Variants in REEP5 observed in about 807,000 individuals in gnomAD.
REEP5 encodes the protein receptor expression-enhancing protein 5.
Under a neutral mutation model 22.4 loss-of-function variants are expected in REEP5, and 24 were observed. That is an observed-to-expected ratio of 1.07 (90% CI 0.78 to 1.51). The LOEUF is 1.51. Ranked by LOEUF, REEP5 falls within the 40% of genes most tolerant of loss-of-function variation. The pLI is 0.00. For synonymous variants in REEP5, 103 were observed against 88.6 expected (o/e 1.16, Z -0.92); for missense variants, 252 against 233.0 (o/e 1.08, Z -0.53).
intron 2 of REEP5, among the ~76,000 whole-genome samples, chr5:112,917,420 A>T (rs1421981292): frequency 6.6e-6 from 1 of 152,252 alleles, no homozygotes. Context: ...TGATAGTCCC[A>T]GGAAGGTGGC....
At chr5:112,916,173 C>A (rs1387112152) in intron 2 of REEP5, among the ~76,000 whole-genome samples, 4 of 152,202 alleles carry the variant, frequency 2.6e-5, no homozygotes, top group African/African-American at 9.6e-5. Context: ...CCTTTGTGTG[C>A]TGAGCATCAT....
chr5:112,910,208 CAGG>C (rs1342272923), intron 2 of REEP5, among the ~76,000 whole-genome samples: 1 of 152,148 alleles, frequency 6.6e-6, no homozygotes, highest in African/African-American at 2.4e-5. Context: ...GAGGCTGAAG[CAGG>C]AGAATTACTT....
intron 4 of REEP5, among the ~76,000 whole-genome samples, chr5:112,881,385 G>C (rs540693564): frequency 6.6e-6 from 1 of 152,210 alleles, no homozygotes; most frequent in East Asian, 1.9e-4. Flanking sequence ...AACTACCACA[G>C]AGCTCTAAAA....
intron 1 of REEP5, chr5:112,921,822 G>GGCAGC (rs1561662844): frequency 2.6e-6 from 1 of 389,622 alleles, no homozygotes; most frequent in African/African-American, 2.2e-5. Context: ...CGTCAGCGCT[G>GGCAGC]GCCCTTCCAG....
rs575910744 is a variant in REEP5 at position 112,904,545 on chromosome 5, A to G, written c.213-2027T>C. ...CTCTCAGGACACACCTGGGAATTAAACAGTCTTTTCTAGAATATGACGTAA... is the reference window on the plus strand; with the variant it reads ...CTCTCAGGACACACCTGGGAATTAAGCAGTCTTTTCTAGAATATGACGTAA... On this transcript the variant is annotated intron_variant, in intron 2 of 4. Coordinates refer to ENST00000379638, the MANE Select transcript of REEP5 (RefSeq NM_005669.5). Among the ~76,000 whole-genome samples the G allele has an allele frequency of 2.8e-4, 43 of 152,276 alleles. No individual in the cohort carries two copies. The South Asian group carries it at 8.9e-3, about 32-fold the overall frequency.
At chr5:112,882,869 C>T (rs922294927) in intron 4 of REEP5, among the ~76,000 whole-genome samples, 42 of 152,192 alleles carry the variant, frequency 2.8e-4, no homozygotes, top group African/African-American at 9.7e-4. Context: ...TCCTACTTTA[C>T]TGAGAAATAT....
At chr5:112,882,794 C>T (rs1014947663) in intron 4 of REEP5, among the ~76,000 whole-genome samples, 9 of 152,232 alleles carry the variant, frequency 5.9e-5, no homozygotes, top group African/African-American at 2.2e-4. Flanking sequence ...CAGTCCCTCT[C>T]CTTCGCAACT....
rs1387716478 is a variant in REEP5, at chr5:112,877,115, C to G, written c.*1671G>C. Reference sequence around the variant, plus strand: ...TCCCAAGAACAATTTTGTTTGCTTTCTACAAAGTTTTAAGTTTAATAAAAT... The same window carrying G: ...TCCCAAGAACAATTTTGTTTGCTTTGTACAAAGTTTTAAGTTTAATAAAAT... On this transcript the variant is annotated 3_prime_UTR_variant, in exon 5 of 5. Transcript: ENST00000379638. The G allele has an allele frequency of 2.6e-5, 4 of 152,056 alleles. No homozygotes were observed. Among genetic ancestry groups the G allele is most frequent in the Non-Finnish European group, 5.9e-5 (4 of 67,982 alleles). The allele number at this position is 152,056 out of a possible 1,614,324, so 9.4% of individuals were successfully genotyped here. A position where few individuals can be genotyped will look rare whatever the true frequency, so the allele number is the denominator to read the frequency against.
intron 2 of REEP5, among the ~76,000 whole-genome samples, chr5:112,909,290 T>C (rs568933059): frequency 6.7e-6 from 1 of 150,160 alleles, no homozygotes; most frequent in African/African-American, 2.5e-5. Flanking sequence ...AGTTAATATA[T>C]GTAAAGCACT....
At position 112,908,086 on chromosome 5, in the gene REEP5, C is replaced by CTTTGTTTTTTTTTTT. The variant is rs1561657600; in HGVS notation, c.213-5569_213-5568insAAAAAAAAAAACAAA. On this transcript the variant is annotated intron_variant, in intron 2 of 4. Coordinates refer to ENST00000379638, the MANE Select transcript of REEP5 (RefSeq NM_005669.5). ...TTTGGAAAAGAATGAGCATCAGAGA[C>CTTTGTTTTTTTTTTT]TTTCTTTGTTTTTTGTTTTTTTTTT... is the stretch of plus-strand genomic sequence containing the variant. 3.9e-5 allele frequency among the ~76,000 whole-genome samples: 3 copies of CTTTGTTTTTTTTTTT among 76,766 alleles called. 1 individual carries two copies. The highest frequency in any genetic ancestry group is 1.4e-4 in the African/African-American group (2 of 14,792). 50.4% of individuals were successfully genotyped at this position (76,766 alleles called of 152,430 possible).
intron 4 of REEP5, among the ~76,000 whole-genome samples, chr5:112,880,998 C>A (rs887942213): frequency 2.6e-5 from 4 of 151,776 alleles, no homozygotes; most frequent in African/African-American, 9.7e-5. Flanking sequence ...GCGTGGTGGC[C>A]CACACCTGTA....
At chr5:112,887,790 G>T (rs1319438636) in intron 3 of REEP5, among the ~76,000 whole-genome samples, 2 of 151,964 alleles carry the variant, frequency 1.3e-5, no homozygotes, top group Non-Finnish European at 2.9e-5. Flanking sequence ...TTGCCATTGA[G>T]ATTTTTTTTT....
chr5:112,899,421 A>AG (rs1016764152), intron 3 of REEP5, among the ~76,000 whole-genome samples: 9 of 152,182 alleles, frequency 5.9e-5, no homozygotes, highest in Non-Finnish European at 1.3e-4. Flanking sequence ...CTGGGATTAC[A>AG]GGCAAAAGCT....
chr5:112,892,844 GAA>G (rs761085464), intron 3 of REEP5: 2 of 1,613,406 alleles, frequency 1.2e-6, no homozygotes, highest in Non-Finnish European at 1.7e-6. Context: ...GAATCCGAGA[GAA>G]AAAAGAGTAG....
At chr5:112,905,322 CCT>C (rs1293264259) in intron 2 of REEP5, among the ~76,000 whole-genome samples, 6 of 152,020 alleles carry the variant, frequency 3.9e-5, no homozygotes, top group Non-Finnish European at 5.9e-5. Context: ...GGGCAGATCA[CCT>C]GAGGTCAGAA....
intron 3 of REEP5, among the ~76,000 whole-genome samples, chr5:112,887,897 T>C (rs712663): frequency 0.47 from 71,698 of 151,854 alleles, 19,699 homozygotes; most frequent in African/African-American, 0.78. Context: ...TACCAACTCG[T>C]CACTTCAAGT....
rs555720313 is a variant in REEP5 at position 112,890,598 on chromosome 5, G to A, written c.352-3415C>T. On this transcript the variant is annotated intron_variant, in intron 3 of 4. Transcript: ENST00000379638. The stretch of plus-strand genomic sequence containing the variant: ...TCGCCATGTTGGCCGGGCTGGTCTC[G>A]AACTCCTGACCTCAAGTGATCCACC... Among the ~76,000 whole-genome samples the A allele has an allele frequency of 8.3e-4, 124 of 150,102 alleles. 3 individuals are homozygous for A. The highest frequency in any genetic ancestry group is 3.9e-3 in the Admixed American group (58 of 15,038).
chr5:112,899,256 T>C (rs1768786594), intron 3 of REEP5, among the ~76,000 whole-genome samples: 1 of 119,026 alleles, frequency 8.4e-6, no homozygotes, highest in African/African-American at 4.2e-5. Context: ...TGTTTTTTGG[T>C]TTTCGGTTTT....
At chr5:112,902,558 A>T in intron 2 of REEP5, 40 bp from the exon 3 acceptor site, 1 of 1,519,064 alleles carries the variant, frequency 6.6e-7, no homozygotes, top group Non-Finnish European at 8.8e-7. Context: ...ATTTGGTAAG[A>T]TATCAATGAA....
Sources: gnomAD v4.1 joint callset for allele counts (sites outside exome capture counted in the v4.1 genomes callset) on GRCh38, gnomAD v4.1.1 for gene constraint, MANE v1.5 for transcripts, NCBI Gene and HGNC (gene_info 2026-07-23, HGNC 2026-07-21) for gene names.